The following PRKCB variants were observed in gnomAD, a reference collection of about 807,000 sequenced individuals.
PRKCB encodes protein kinase C beta.
In PRKCB, 13 loss-of-function variants were observed where a neutral mutation model predicts 81.5. The observed-to-expected ratio is 0.16, with a 90% CI of 0.10 to 0.25. PRKCB has a LOEUF of 0.25. PRKCB is among the 10% of genes least tolerant of loss of function. The probability of loss-of-function intolerance (pLI) is 1.00; values close to 1 mark genes in which losing one functional copy is unlikely to be tolerated. For synonymous variants in PRKCB, 335 were observed against 321.4 expected (o/e 1.04, Z -0.45); for missense variants, 509 against 875.7 (o/e 0.58, Z 5.29).
intron 7 of PRKCB, among the ~76,000 whole-genome samples, chr16:24,111,542 C>T (rs1966675952): frequency 6.6e-6 from 1 of 151,506 alleles, no homozygotes; most frequent in African/African-American, 2.4e-5. Context: ...ATCTCAGCTA[C>T]TTGGGATGCT....
At position 24,137,426 on chromosome 16, in the gene PRKCB, C is replaced by T. The variant is rs1333374668; in HGVS notation, c.1065+13445C>T. 3.3e-5 allele frequency among the ~76,000 whole-genome samples: 5 copies of T among 152,088 alleles called. No individual in the cohort carries two copies. In the East Asian group the frequency reaches 9.6e-4, roughly 29 times the overall value. ...CTGGTCTTAAACTTCTGGCCACCAGCGATCCTCCTGCCTCAGCCTCCCAAA... is the reference window on the plus strand; with the variant it reads ...CTGGTCTTAAACTTCTGGCCACCAGTGATCCTCCTGCCTCAGCCTCCCAAA... On this transcript the variant is annotated intron_variant, in intron 9 of 16. Coordinates refer to ENST00000643927, the MANE Select transcript of PRKCB (RefSeq NM_002738.7).
intron 9 of PRKCB, among the ~76,000 whole-genome samples, chr16:24,142,205 C>T (rs954314764): frequency 2.0e-5 from 3 of 152,178 alleles, no homozygotes; most frequent in African/African-American, 7.2e-5. Flanking sequence ...CTCATGATTC[C>T]AAAGTCTGAA....
chr16:23,956,979 TAAAAAAA>T (rs10714409), intron 2 of PRKCB, among the ~76,000 whole-genome samples: 3 of 45,976 alleles, frequency 6.5e-5, no homozygotes, highest in Admixed American at 3.0e-4. Context: ...CTATAGGCAG[TAAAAAAA>T]AAAAAAAAAA....
At chr16:23,908,808 G>A (rs184527921) in intron 2 of PRKCB, among the ~76,000 whole-genome samples, 122 of 152,166 alleles carry the variant, frequency 8.0e-4, no homozygotes, top group Non-Finnish European at 5.0e-4. Flanking sequence ...GTGAGCCACC[G>A]CGCCCAGCCT....
chr16:24,070,132 G>T (rs559009139), intron 5 of PRKCB, among the ~76,000 whole-genome samples: 1 of 151,666 alleles, frequency 6.6e-6, no homozygotes, highest in African/African-American at 2.4e-5. Flanking sequence ...TTTTCATCTT[G>T]CAGGAAACCA....
At chr16:24,208,128 G>A (rs1460294897) in intron 16 of PRKCB, 1 of 152,298 alleles carries the variant, frequency 6.6e-6, no homozygotes, top group Non-Finnish European at 1.5e-5. Context: ...CCCTTTAGCT[G>A]GCCATGGTGG....
chr16:24,216,550 C>T lies in PRKCB; in HGVS notation c.*1734C>T. Reference sequence around the variant, plus strand: ...TGAGAGACCATCAAGGGAACTTTAACAACTTGACAAATGTCCTTGAAGTAA... The same window carrying T: ...TGAGAGACCATCAAGGGAACTTTAATAACTTGACAAATGTCCTTGAAGTAA... On this transcript the variant is annotated 3_prime_UTR_variant, in exon 17 of 17. Transcript: ENST00000643927. 2.0e-6 allele frequency: 2 copies of T among 985,458 alleles called. No individual in the cohort carries two copies. The highest frequency in any genetic ancestry group is 2.4e-6 in the Non-Finnish European group (2 of 829,940). The allele number at this position is 985,458 out of a possible 1,614,324, so 61.0% of individuals were successfully genotyped here. A position where few individuals can be genotyped will look rare whatever the true frequency, so the allele number is the denominator to read the frequency against.
Position 24,217,400 on chromosome 16 carries a change from G to A in PRKCB, c.*2584G>A, listed in dbSNP as rs1310196941. The A allele has an allele frequency of 2.0e-6, 2 of 985,304 alleles. No homozygotes were observed. Among genetic ancestry groups the A allele is most frequent in the Non-Finnish European group, 1.2e-6 (1 of 829,940 alleles). 61.0% of individuals were successfully genotyped at this position (985,304 alleles called of 1,614,324 possible). ...TTTTTGAAGAGAGGACAGGGCCATA[G>A]CAACAAGGACCTTCTTGGGGGATTA... On this transcript the variant is annotated 3_prime_UTR_variant, in exon 17 of 17. Transcript: ENST00000643927.
intron 7 of PRKCB, among the ~76,000 whole-genome samples, chr16:24,096,070 G>C (rs549717992): frequency 2.6e-5 from 4 of 152,172 alleles, no homozygotes; most frequent in Admixed American, 2.6e-4. Context: ...GGCCGAGGTG[G>C]GTGGATCACG....
chr16:23,919,738 CAT>C lies in PRKCB; in HGVS notation c.206-68766_206-68765del, dbSNP rs150828680. Among the ~76,000 whole-genome samples, 1,049 of 152,322 alleles carry C rather than the reference CAT, an allele frequency of 6.9e-3. 19 individuals are homozygous for C. The highest frequency in any genetic ancestry group is 0.024 in the African/African-American group (994 of 41,566). ...ATGAATTTGAATACTATAGGTATCTCATATAAGTGGAATCATCCAGTATTTGT... is the reference window on the plus strand; with the variant it reads ...ATGAATTTGAATACTATAGGTATCTCATAAGTGGAATCATCCAGTATTTGT... On this transcript the variant is annotated intron_variant, in intron 2 of 16. Coordinates refer to ENST00000643927, the MANE Select transcript of PRKCB (RefSeq NM_002738.7).
chr16:24,207,748 A>G (rs1339132524), intron 16 of PRKCB, among the ~76,000 whole-genome samples: 1 of 152,210 alleles, frequency 6.6e-6, no homozygotes, highest in Middle Eastern at 3.2e-3. Context: ...TATAGAGGAC[A>G]GGTCAGGGAA....
At chr16:23,921,130 C>G (rs1001649124) in intron 2 of PRKCB, among the ~76,000 whole-genome samples, 3 of 152,180 alleles carry the variant, frequency 2.0e-5, no homozygotes, top group African/African-American at 7.2e-5. Context: ...TAGCCCCACC[C>G]TTGACATGCA....
At chr16:23,900,785 T>C (rs554556873) in intron 2 of PRKCB, among the ~76,000 whole-genome samples, 1 of 130,506 alleles carries the variant, frequency 7.7e-6, no homozygotes, top group Non-Finnish European at 1.6e-5. Context: ...TTGATGGGCA[T>C]AGGTTATTTC....
At chr16:23,977,810 G>C (rs1964645314) in intron 2 of PRKCB, among the ~76,000 whole-genome samples, 1 of 152,116 alleles carries the variant, frequency 6.6e-6, no homozygotes, top group East Asian at 1.9e-4. Flanking sequence ...TGTCTGTGTT[G>C]GGGCCGGCTG....
At chr16:24,186,116 C>T (rs540800800) in intron 15 of PRKCB, among the ~76,000 whole-genome samples, 48 of 152,280 alleles carry the variant, frequency 3.2e-4, no homozygotes, top group Admixed American at 1.3e-4. Flanking sequence ...AGGGCATGCA[C>T]GCTTGGACAT....
At position 24,150,941 on chromosome 16, in the gene PRKCB, G is replaced by A. The variant is rs143931157; in HGVS notation, c.1066-3743G>A. Among the ~76,000 whole-genome samples the A allele has an allele frequency of 5.8e-3, 887 of 152,208 alleles. 9 individuals are homozygous for A. Among genetic ancestry groups the A allele is most frequent in the African/African-American group, 0.02 (832 of 41,508 alleles). On this transcript the variant is annotated intron_variant, in intron 9 of 16. Coordinates refer to ENST00000643927, the MANE Select transcript of PRKCB (RefSeq NM_002738.7). Reference sequence around the variant, plus strand: ...TTGTTGAGGGCAGGGCAAGACACTGGGAATCTTCACACACCCCTGTTTATT... The same window carrying A: ...TTGTTGAGGGCAGGGCAAGACACTGAGAATCTTCACACACCCCTGTTTATT...
chr16:23,998,279 CT>C (rs1964986008), intron 3 of PRKCB, among the ~76,000 whole-genome samples: 1 of 152,204 alleles, frequency 6.6e-6, no homozygotes, highest in Non-Finnish European at 1.5e-5. Flanking sequence ...AACTATACCC[CT>C]GGCTTTCTTG....
intron 2 of PRKCB, among the ~76,000 whole-genome samples, chr16:23,969,212 T>C (rs1316886876): frequency 3.3e-5 from 5 of 152,010 alleles, no homozygotes; most frequent in Non-Finnish European, 7.4e-5. Flanking sequence ...TCCCCTGCAG[T>C]GGGGCCCACT....
intron 9 of PRKCB, among the ~76,000 whole-genome samples, chr16:24,147,179 G>A (rs1016357891): frequency 7.9e-5 from 12 of 151,658 alleles, no homozygotes; most frequent in African/African-American, 2.9e-4. Flanking sequence ...ATCGTGGCGG[G>A]CGCCTGTAGT....
Sources: gnomAD v4.1 joint callset for allele counts (sites outside exome capture counted in the v4.1 genomes callset) on GRCh38, gnomAD v4.1.1 for gene constraint, MANE v1.5 for transcripts, NCBI Gene and HGNC (gene_info 2026-07-23, HGNC 2026-07-21) for gene names.